Variants in IFT88 observed in about 807,000 individuals in gnomAD.
IFT88 encodes intraflagellar transport protein 88 homolog.
In IFT88, 74 loss-of-function variants were observed where a neutral mutation model predicts 119.5. The ratio of observed to expected loss-of-function variants is 0.62; its 90% confidence interval spans 0.51 to 0.75. The LOEUF (loss-of-function observed/expected upper bound fraction) is 0.75, where lower values mean the gene tolerates loss of function less well. IFT88 is among the 30% of genes least tolerant of loss of function. IFT88 has a pLI of 0.00. For synonymous variants in IFT88, 279 were observed against 316.7 expected (o/e 0.88, Z 1.26); for missense variants, 961 against 977.7 (o/e 0.98, Z 0.23).
At chr13:20,685,737 G>C (rs888853746) in intron 24 of IFT88, among the ~76,000 whole-genome samples, 1 of 152,118 alleles carries the variant, frequency 6.6e-6, no homozygotes, top group Non-Finnish European at 1.5e-5. Flanking sequence ...GAAATTAACC[G>C]GGCATGGTGG....
At chr13:20,568,129 G>A in intron 1 of IFT88, 1 of 634,496 alleles carries the variant, frequency 1.6e-6, no homozygotes, top group Non-Finnish European at 2.9e-6. Context: ...AAAGCTTGAA[G>A]TAGACTGTCC....
intron 12 of IFT88, among the ~76,000 whole-genome samples, chr13:20,604,396 A>G (rs1289606547): frequency 6.6e-6 from 1 of 152,206 alleles, no homozygotes; most frequent in Non-Finnish European, 1.5e-5. Context: ...GGATCATACT[A>G]AGTAATTGAT....
chr13:20,628,861 T>C (rs2140050573), intron 15 of IFT88, among the ~76,000 whole-genome samples: 1 of 152,302 alleles, frequency 6.6e-6, no homozygotes, highest in East Asian at 1.9e-4. Flanking sequence ...ATAGATTTGA[T>C]GTTAAATATA....
chr13:20,597,341 T>G (rs1290263274), intron 9 of IFT88, among the ~76,000 whole-genome samples: 1 of 152,136 alleles, frequency 6.6e-6, no homozygotes, highest in East Asian at 1.9e-4. Context: ...GTGCAGTGAC[T>G]CACGCCTGTA....
intron 12 of IFT88, among the ~76,000 whole-genome samples, chr13:20,602,269 GTC>G (rs2042730246): frequency 1.4e-5 from 2 of 141,342 alleles, no homozygotes; most frequent in Non-Finnish European, 3.0e-5. Context: ...CAGTGGTGCA[GTC>G]TCAGCTCACT....
chr13:20,690,400 T>C (rs992550079), intron 24 of IFT88, among the ~76,000 whole-genome samples: 17 of 152,224 alleles, frequency 1.1e-4, no homozygotes, highest in South Asian at 4.1e-4. Flanking sequence ...TGGGCAATTA[T>C]AAGAGTCAGG....
chr13:20,578,479 T>C (rs1280205625), intron 2 of IFT88, among the ~76,000 whole-genome samples: 1 of 151,882 alleles, frequency 6.6e-6, no homozygotes. Context: ...CTCTTTCTTC[T>C]AGGTTTTCAA....
At chr13:20,609,621 G>A (rs1270609018) in intron 13 of IFT88, among the ~76,000 whole-genome samples, 2 of 152,106 alleles carry the variant, frequency 1.3e-5, no homozygotes, top group Admixed American at 6.5e-5. Flanking sequence ...GCACATGCCT[G>A]TAGTCCTAGC....
intron 13 of IFT88, among the ~76,000 whole-genome samples, chr13:20,615,564 A>G (rs535775700): frequency 3.9e-5 from 6 of 152,178 alleles, no homozygotes; most frequent in Non-Finnish European, 8.8e-5. Flanking sequence ...AGAAAAAGAA[A>G]AGAAATGAAC....
chr13:20,571,597 T>A (rs998656744), intron 1 of IFT88, among the ~76,000 whole-genome samples: 1 of 152,208 alleles, frequency 6.6e-6, no homozygotes, highest in African/African-American at 2.4e-5. Context: ...ATCTTGAAAT[T>A]TTACATTTTT....
At chr13:20,569,775 T>G (rs1437088991) in intron 1 of IFT88, among the ~76,000 whole-genome samples, 3 of 151,778 alleles carry the variant, frequency 2.0e-5, no homozygotes, top group African/African-American at 7.3e-5. Context: ...ACGCCTGTAA[T>G]CCCAGCACTC....
intron 24 of IFT88, among the ~76,000 whole-genome samples, chr13:20,680,508 T>G (rs1484840395): frequency 1.3e-5 from 2 of 152,214 alleles, no homozygotes; most frequent in African/African-American, 4.8e-5. Context: ...GGAATACTCA[T>G]GGCGATGGTG....
intron 18 of IFT88, chr13:20,641,896 T>G (rs1014753334): frequency 6.5e-6 from 1 of 152,988 alleles, no homozygotes; most frequent in African/African-American, 2.4e-5. Context: ...TCATATGAAC[T>G]CATTCATTCT....
intron 9 of IFT88, among the ~76,000 whole-genome samples, chr13:20,597,823 A>AT (rs2042003889): frequency 6.6e-6 from 1 of 151,336 alleles, no homozygotes; most frequent in Non-Finnish European, 1.5e-5. Flanking sequence ...CAATGGCTCT[A>AT]TTTCTTGAAG....
At chr13:20,628,863 T>C (rs1213225964) in intron 15 of IFT88, among the ~76,000 whole-genome samples, 1 of 152,192 alleles carries the variant, frequency 6.6e-6, no homozygotes, top group East Asian at 1.9e-4. Context: ...AGATTTGATG[T>C]TAAATATAGC....
intron 9 of IFT88, among the ~76,000 whole-genome samples, chr13:20,597,630 G>A (rs1199418642): frequency 1.3e-5 from 2 of 151,780 alleles, no homozygotes; most frequent in Non-Finnish European, 2.9e-5. Context: ...TGTAGTCCCA[G>A]CTACTTGGGA....
chr13:20,684,038 T>G (rs2057614186), intron 24 of IFT88, among the ~76,000 whole-genome samples: 1 of 152,234 alleles, frequency 6.6e-6, no homozygotes. Flanking sequence ...AACAGTCTCA[T>G]TACAAAAGGA....
intron 7 of IFT88, among the ~76,000 whole-genome samples, chr13:20,594,446 C>CT (rs2041287002): frequency 6.6e-6 from 1 of 152,136 alleles, no homozygotes; most frequent in Non-Finnish European, 1.5e-5. Flanking sequence ...ATGAGATTCT[C>CT]TTGACTTGCT....
intron 9 of IFT88, 119 bp downstream of exon 9, chr13:20,597,238 TTA>T (rs2041799289): frequency 1.9e-6 from 1 of 533,268 alleles, no homozygotes; most frequent in Non-Finnish European, 3.3e-6. Context: ...CACAATTAGA[TTA>T]ATAATAATCT....
Sources: allele counts gnomAD v4.1 joint callset (sites outside exome capture counted in the v4.1 genomes callset), GRCh38; gene constraint gnomAD v4.1.1; transcripts MANE v1.5; gene names NCBI Gene and HGNC (gene_info 2026-07-23, HGNC 2026-07-21).